The following RBFOX1 variants were observed in gnomAD, a reference collection of about 807,000 sequenced individuals.
RBFOX1 encodes RNA binding protein fox-1 homolog 1.
Under a neutral mutation model 57.7 loss-of-function variants are expected in RBFOX1, and 8 were observed. The observed-to-expected ratio is 0.14, with a 90% CI of 0.08 to 0.25. RBFOX1 has a LOEUF of 0.25. RBFOX1 is among the 10% of genes least tolerant of loss of function. The probability of loss-of-function intolerance (pLI) is 1.00; values close to 1 mark genes in which losing one functional copy is unlikely to be tolerated. For synonymous variants in RBFOX1, 326 were observed against 222.4 expected (o/e 1.47, Z -4.15); for missense variants, 611 against 548.5 (o/e 1.11, Z -1.14).
intron 2 of RBFOX1, among the ~76,000 whole-genome samples, chr16:5,516,966 G>T (rs1242681562): frequency 6.6e-6 from 1 of 150,642 alleles, no homozygotes; most frequent in Non-Finnish European, 1.5e-5. Flanking sequence ...GTGAGAACGA[G>T]CTAATACGAC....
At chr16:5,669,422 C>CT (rs34318850) in intron 3 of RBFOX1, among the ~76,000 whole-genome samples, 18,021 of 118,458 alleles carry the variant, frequency 0.15, 2,009 homozygotes, top group East Asian at 0.24. Flanking sequence ...AACAAGTTGG[C>CT]TTTTTTTTTT....
intron 4 of RBFOX1, among the ~76,000 whole-genome samples, chr16:7,063,400 C>T (rs76147326): frequency 0.028 from 4,234 of 152,200 alleles, 205 homozygotes; most frequent in African/African-American, 0.096. Context: ...GGGATCATCA[C>T]ATGTCTCTCT....
intron 1 of RBFOX1, among the ~76,000 whole-genome samples, chr16:6,124,415 G>T (rs925165182): frequency 6.6e-6 from 1 of 152,090 alleles, no homozygotes; most frequent in Admixed American, 6.6e-5. Flanking sequence ...ATGTAAATGA[G>T]CCTAAGATGA....
At chr16:7,207,989 G>A (rs73547532) in intron 4 of RBFOX1, among the ~76,000 whole-genome samples, 162 of 152,246 alleles carry the variant, frequency 1.1e-3, no homozygotes, top group African/African-American at 3.4e-3. Context: ...CTGTAAGTGG[G>A]GTTTCTTTTT....
chr16:6,051,972 A>T (rs754100422), intron 1 of RBFOX1, among the ~76,000 whole-genome samples: 5 of 152,144 alleles, frequency 3.3e-5, no homozygotes, highest in Non-Finnish European at 7.4e-5. Flanking sequence ...TGGACCGACA[A>T]GTTTGACGCC....
chr16:6,374,905 C>A (rs1043371429), intron 2 of RBFOX1, among the ~76,000 whole-genome samples: 3 of 152,202 alleles, frequency 2.0e-5, no homozygotes, highest in Non-Finnish European at 4.4e-5. Flanking sequence ...TCTTATCAGG[C>A]TGAAGAGGTG....
chr16:6,457,602 C>T, intron 2 of RBFOX1, among the ~76,000 whole-genome samples: 1 of 152,128 alleles, frequency 6.6e-6, no homozygotes, highest in East Asian at 1.9e-4. Flanking sequence ...CATTAAATCG[C>T]CAGGGGTATT....
chr16:5,777,178 C>A (rs1040804026), intron 3 of RBFOX1, among the ~76,000 whole-genome samples: 2 of 152,170 alleles, frequency 1.3e-5, no homozygotes, highest in African/African-American at 2.4e-5. Context: ...TTGTTTTCCT[C>A]CTGGAGGCTC....
chr16:6,707,786 T>C (rs1392127715), intron 3 of RBFOX1, among the ~76,000 whole-genome samples: 1 of 152,146 alleles, frequency 6.6e-6, no homozygotes, highest in Non-Finnish European at 1.5e-5. Context: ...AGAGAAAGTT[T>C]ATTAAATTCT....
At chr16:6,578,632 G>A (rs115715684) in intron 2 of RBFOX1, among the ~76,000 whole-genome samples, 1,247 of 33,378 alleles carry the variant, frequency 0.037, 15 homozygotes, top group African/African-American at 0.074. Flanking sequence ...AGAAACAGAG[G>A]GACATAGGAA....
At chr16:7,185,758 C>G (rs760494277) in intron 4 of RBFOX1, among the ~76,000 whole-genome samples, 2 of 152,126 alleles carry the variant, frequency 1.3e-5, no homozygotes, top group Admixed American at 6.5e-5. Flanking sequence ...TATTGAATTC[C>G]TTCTGAAACT....
chr16:6,854,552 T>A (rs1489266980), intron 3 of RBFOX1, among the ~76,000 whole-genome samples: 1 of 147,670 alleles, frequency 6.8e-6, no homozygotes, highest in Non-Finnish European at 1.5e-5. Flanking sequence ...CTTCTGAACC[T>A]CACGCATTAC....
chr16:6,745,042 A>G (rs750805529), intron 3 of RBFOX1, among the ~76,000 whole-genome samples: 2 of 152,090 alleles, frequency 1.3e-5, no homozygotes, highest in Non-Finnish European at 2.9e-5. Context: ...AAATAAGATC[A>G]TATTATGAAC....
chr16:6,622,865 T>C (rs2098252731), intron 2 of RBFOX1, among the ~76,000 whole-genome samples: 1 of 152,210 alleles, frequency 6.6e-6, no homozygotes, highest in Non-Finnish European at 1.5e-5. Flanking sequence ...TTTGTTGTTT[T>C]TATCCACATG....
At chr16:7,087,279 T>G (rs1285985706) in intron 4 of RBFOX1, among the ~76,000 whole-genome samples, 1 of 152,142 alleles carries the variant, frequency 6.6e-6, no homozygotes, top group East Asian at 1.9e-4. Flanking sequence ...TGGGCTTGCC[T>G]CAAGAGGATC....
chr16:7,398,743 A>G (rs151004823), intron 4 of RBFOX1, among the ~76,000 whole-genome samples: 47 of 152,344 alleles, frequency 3.1e-4, no homozygotes, highest in African/African-American at 1.1e-3. Context: ...CAGTCTGACT[A>G]CAAATCCCAG....
intron 2 of RBFOX1, among the ~76,000 whole-genome samples, chr16:6,352,905 TAAAGAGA>T (rs2086656948): frequency 6.6e-6 from 1 of 152,092 alleles, no homozygotes; most frequent in Non-Finnish European, 1.5e-5. Flanking sequence ...AATCATGAAC[TAAAGAGA>T]AAAAGGGATG....
At chr16:5,432,698 C>T (rs1181058617) in intron 1 of RBFOX1, among the ~76,000 whole-genome samples, 2 of 151,858 alleles carry the variant, frequency 1.3e-5, no homozygotes, top group African/African-American at 4.8e-5. Flanking sequence ...TGCCCAGGCT[C>T]CGAGTTTATG....
At chr16:5,856,595 A>ATATATATATATATATATT (rs2057076190) in intron 3 of RBFOX1, among the ~76,000 whole-genome samples, 1 of 95,984 alleles carries the variant, frequency 1.0e-5, no homozygotes, top group Non-Finnish European at 2.1e-5. Flanking sequence ...ATATATATAT[A>ATATATATATATATATATT]TATATATATA....
Sources: gnomAD v4.1 joint callset for allele counts (sites outside exome capture counted in the v4.1 genomes callset) on GRCh38, gnomAD v4.1.1 for gene constraint, MANE v1.5 for transcripts, NCBI Gene and HGNC (gene_info 2026-07-23, HGNC 2026-07-21) for gene names.